CACNA2D3: variants seen among roughly 807,000 people sequenced by gnomAD.
The protein encoded by CACNA2D3 is voltage-dependent calcium channel subunit alpha-2/delta-3.
Under a neutral mutation model 160.6 loss-of-function variants are expected in CACNA2D3, and 60 were observed. The observed-to-expected ratio is 0.37, with a 90% CI of 0.30 to 0.46. The LOEUF is 0.46. Ranked by LOEUF, CACNA2D3 falls within the 20% of genes least tolerant of loss-of-function variation. The pLI is 1.00. For synonymous variants in CACNA2D3, 558 were observed against 492.9 expected (o/e 1.13, Z -1.75); for missense variants, 1,205 against 1,365.0 (o/e 0.88, Z 1.85).
At chr3:54,794,883 TTTTG>T (rs1426519748) in intron 13 of CACNA2D3, among the ~76,000 whole-genome samples, 1 of 152,110 alleles carries the variant, frequency 6.6e-6, no homozygotes, top group African/African-American at 2.4e-5. Flanking sequence ...ATTGTTTTCT[TTTTG>T]TTTATTTTTC....
chr3:54,253,909 A>G (rs568504184), intron 2 of CACNA2D3, among the ~76,000 whole-genome samples: 1 of 152,126 alleles, frequency 6.6e-6, no homozygotes, highest in South Asian at 2.1e-4. Context: ...CTGGGATTAT[A>G]GGTGCCTGCC....
At chr3:54,588,948 G>C (rs896070732) in intron 9 of CACNA2D3, among the ~76,000 whole-genome samples, 2 of 151,430 alleles carry the variant, frequency 1.3e-5, no homozygotes, top group Non-Finnish European at 2.9e-5. Flanking sequence ...AATTTAATAT[G>C]TATGTATAAT....
At chr3:54,668,928 C>T (rs1338078601) in intron 11 of CACNA2D3, among the ~76,000 whole-genome samples, 1 of 152,234 alleles carries the variant, frequency 6.6e-6, no homozygotes, top group Admixed American at 6.5e-5. Flanking sequence ...CACAAAGTTC[C>T]TATTACTCAG....
intron 11 of CACNA2D3, among the ~76,000 whole-genome samples, chr3:54,653,857 A>C (rs1699823715): frequency 6.6e-6 from 1 of 152,032 alleles, no homozygotes; most frequent in Admixed American, 6.6e-5. Flanking sequence ...AGGTGGGAGG[A>C]CAGTGTACAT....
chr3:54,187,324 C>T (rs1172756623), intron 2 of CACNA2D3, among the ~76,000 whole-genome samples: 8 of 152,194 alleles, frequency 5.3e-5, no homozygotes, highest in Admixed American at 5.2e-4. Context: ...TTGCTTTGAT[C>T]TCATAGCAAC....
chr3:54,807,336 A>G (rs1167734655), intron 13 of CACNA2D3, among the ~76,000 whole-genome samples: 2 of 152,204 alleles, frequency 1.3e-5, no homozygotes, highest in Non-Finnish European at 2.9e-5. Flanking sequence ...AGAATCTACA[A>G]TGAACTCAAA....
At chr3:54,175,798 GGAA>G (rs1700668436) in intron 2 of CACNA2D3, among the ~76,000 whole-genome samples, 1 of 152,112 alleles carries the variant, frequency 6.6e-6, no homozygotes, top group African/African-American at 2.4e-5. Context: ...TCATTGGAGG[GGAA>G]GAAGAGGAAT....
rs886723325 is a variant in CACNA2D3, at chr3:54,597,895, C to T, written c.963+16018C>T. 2.6e-5 allele frequency among the ~76,000 whole-genome samples: 4 copies of T among 152,196 alleles called. No homozygotes were observed. The South Asian group carries it at 8.3e-4, about 32-fold the overall frequency. On this transcript the variant is annotated intron_variant, in intron 9 of 37. Coordinates refer to ENST00000474759, the MANE Select transcript of CACNA2D3 (RefSeq NM_018398.3). The stretch of plus-strand genomic sequence containing the variant: ...TGCCTCATGGTTAAGATTTAGGTTA[C>T]TGCAGCTTTGAGTCTTAGCCATGGT...
At position 55,018,323 on chromosome 3, in the gene CACNA2D3, C is replaced by T. The variant is rs755248765; in HGVS notation, c.2987+6C>T. On this transcript the variant is annotated splice_donor_region_variant and intron_variant, in intron 35 of 37. Coordinates refer to ENST00000474759, the MANE Select transcript of CACNA2D3 (RefSeq NM_018398.3). ...GCTTGTGAAGACTGCTCCAAGTAAG[C>T]CATCCCCCCACCCTCTAACCCCCTA... 2.0e-5 allele frequency: 31 copies of T among 1,555,602 alleles called. No homozygotes were observed. The highest frequency in any genetic ancestry group is 2.2e-5 in the South Asian group (2 of 89,282).
chr3:54,532,099 T>A (rs1701815041), intron 5 of CACNA2D3, among the ~76,000 whole-genome samples: 1 of 152,198 alleles, frequency 6.6e-6, no homozygotes, highest in Non-Finnish European at 1.5e-5. Context: ...TTTTTTTGTT[T>A]GTATCAATGT....
intron 11 of CACNA2D3, among the ~76,000 whole-genome samples, chr3:54,661,997 C>T (rs548317839): frequency 6.6e-6 from 1 of 152,190 alleles, no homozygotes; most frequent in African/African-American, 2.4e-5. Context: ...TCCTTAATGA[C>T]ACCATCTTAT....
chr3:54,598,195 C>T (rs1289861147), intron 9 of CACNA2D3, among the ~76,000 whole-genome samples: 1 of 147,926 alleles, frequency 6.8e-6, no homozygotes, highest in Non-Finnish European at 1.5e-5. Context: ...GTAATTCCAG[C>T]TACTTAGGAG....
rs1048050817 is a variant in CACNA2D3, at chr3:54,832,030, C to T, written c.1399-5129C>T. 6.1e-4 allele frequency among the ~76,000 whole-genome samples: 92 copies of T among 149,966 alleles called. 1 individual carries two copies. The highest frequency in any genetic ancestry group is 9.4e-4 in the Non-Finnish European group (63 of 67,352). ...TCTCTGTCACACACACACACACACA[C>T]ACACACACACACACACACACACACA... On this transcript the variant is annotated intron_variant, in intron 14 of 37. Coordinates refer to ENST00000474759, the MANE Select transcript of CACNA2D3 (RefSeq NM_018398.3).
chr3:55,036,746 G>C (rs185289655), intron 35 of CACNA2D3, among the ~76,000 whole-genome samples: 1 of 152,236 alleles, frequency 6.6e-6, no homozygotes, highest in East Asian at 2.0e-4. Context: ...GATTACAGGC[G>C]TGAGCCACTG....
chr3:54,586,378 A>T (rs941318975), intron 9 of CACNA2D3, among the ~76,000 whole-genome samples: 2 of 137,316 alleles, frequency 1.5e-5, no homozygotes, highest in African/African-American at 5.0e-5. Flanking sequence ...GAGTGATTCT[A>T]TTAATACCAT....
intron 5 of CACNA2D3, among the ~76,000 whole-genome samples, chr3:54,506,405 C>A (rs1701372002): frequency 6.6e-6 from 1 of 152,130 alleles, no homozygotes; most frequent in African/African-American, 2.4e-5. Context: ...TGATACTTGC[C>A]TAGGAGCTTC....
At chr3:54,832,293 G>A (rs1703898493) in intron 14 of CACNA2D3, among the ~76,000 whole-genome samples, 1 of 152,144 alleles carries the variant, frequency 6.6e-6, no homozygotes, top group South Asian at 2.1e-4. Context: ...GCACACTTCT[G>A]TGTGTGAAGT....
In CACNA2D3 at chr3:54,885,332, A is replaced by G. The variant is rs1350136585; in HGVS notation, c.1958+6A>G. 3 of 1,613,730 alleles carry G rather than the reference A, an allele frequency of 1.9e-6. No homozygotes were observed. Among genetic ancestry groups the G allele is most frequent in the African/African-American group, 1.3e-5 (1 of 74,908 alleles). ...GTGTCCTTGGCAGATGAATGGTAAGAATTAAACCATCCCTCCTTGACCATG... is the reference window on the plus strand; with the variant it reads ...GTGTCCTTGGCAGATGAATGGTAAGGATTAAACCATCCCTCCTTGACCATG... On this transcript the variant is annotated splice_donor_region_variant and intron_variant, in intron 22 of 37. Coordinates refer to ENST00000474759, the MANE Select transcript of CACNA2D3 (RefSeq NM_018398.3).
intron 3 of CACNA2D3, among the ~76,000 whole-genome samples, chr3:54,378,373 A>G (rs1363330820): frequency 1.3e-5 from 2 of 152,186 alleles, no homozygotes; most frequent in Non-Finnish European, 2.9e-5. Flanking sequence ...ATGATCTCAC[A>G]GGAGGCTGAG....
Sources: allele counts gnomAD v4.1 joint callset (sites outside exome capture counted in the v4.1 genomes callset), GRCh38; gene constraint gnomAD v4.1.1; transcripts MANE v1.5; gene names NCBI Gene and HGNC (gene_info 2026-07-23, HGNC 2026-07-21).